The following ATRNL1 variants were observed in gnomAD, a reference collection of about 807,000 sequenced individuals.
The protein encoded by ATRNL1 is attractin like 1.
ATRNL1 carries 95 observed loss-of-function variants against 182.7 expected under a neutral mutation model. That is an observed-to-expected ratio of 0.52 (90% CI 0.44 to 0.62). ATRNL1 has a LOEUF of 0.62. Ranked by LOEUF, ATRNL1 falls within the 20% of genes least tolerant of loss-of-function variation. The probability of loss-of-function intolerance (pLI) is 0.00; values close to 1 mark genes in which losing one functional copy is unlikely to be tolerated. For missense variants in ATRNL1, 1,471 were observed against 1,679.5 expected, an observed-to-expected ratio of 0.88 and a Z score of 2.17; for synonymous variants, 576 against 568.3, an observed-to-expected ratio of 1.01 and a Z score of -0.19.
chr10:115,401,516 T>C (rs1174437459), intron 20 of ATRNL1, among the ~76,000 whole-genome samples: 2 of 152,172 alleles, frequency 1.3e-5, no homozygotes, highest in African/African-American at 2.4e-5. Flanking sequence ...TGAGGGATTA[T>C]GATATTCTCA....
intron 28 of ATRNL1, among the ~76,000 whole-genome samples, chr10:115,939,055 G>A (rs1953647407): frequency 6.6e-6 from 1 of 152,204 alleles, no homozygotes; most frequent in African/African-American, 2.4e-5. Context: ...TGATGGATAT[G>A]TTAATTAGCT....
At chr10:115,588,456 A>G (rs1158720688) in intron 26 of ATRNL1, among the ~76,000 whole-genome samples, 1 of 152,214 alleles carries the variant, frequency 6.6e-6, no homozygotes, top group Non-Finnish European at 1.5e-5. Flanking sequence ...AACTTTAGTA[A>G]GATGGCCTTC....
intron 25 of ATRNL1, among the ~76,000 whole-genome samples, chr10:115,522,254 C>A (rs1554985426): frequency 6.6e-6 from 1 of 152,090 alleles, no homozygotes; most frequent in African/African-American, 2.4e-5. Context: ...GCTGGCTGTA[C>A]AAGAAGTAGG....
At chr10:115,230,165 C>G (rs781906570) in intron 9 of ATRNL1, among the ~76,000 whole-genome samples, 2 of 152,052 alleles carry the variant, frequency 1.3e-5, no homozygotes, top group Non-Finnish European at 2.9e-5. Context: ...TTTAAAAAGT[C>G]AGCTTTATGC....
rs186596806 is a variant in ATRNL1 at position 115,435,892 on chromosome 10, T to G, written c.3322+9590T>G. Reference sequence around the variant, plus strand: ...TGTACCTTGTTTTATTGGATCTCCATACTTAGAAATCTGTATGACTCATAA... The same window carrying G: ...TGTACCTTGTTTTATTGGATCTCCAGACTTAGAAATCTGTATGACTCATAA... On this transcript the variant is annotated intron_variant, in intron 21 of 28. Transcript: ENST00000355044. Among the ~76,000 whole-genome samples the G allele has an allele frequency of 3.5e-4, 53 of 152,320 alleles. 2 individuals carry two copies. The highest frequency in any genetic ancestry group is 1.9e-4 in the East Asian group (1 of 5,188).
At chr10:115,269,695 A>G (rs1554912184) in intron 13 of ATRNL1, among the ~76,000 whole-genome samples, 2 of 152,160 alleles carry the variant, frequency 1.3e-5, no homozygotes, top group Non-Finnish European at 2.9e-5. Flanking sequence ...ACATATTTCC[A>G]ACTGAATATA....
chr10:115,292,584 T>C (rs192680932), intron 15 of ATRNL1, among the ~76,000 whole-genome samples: 8 of 152,262 alleles, frequency 5.3e-5, no homozygotes, highest in Admixed American at 5.2e-4. Context: ...CAGTCTCAAG[T>C]AATTTTTAAA....
chr10:115,499,914 A>C (rs1052557840), intron 24 of ATRNL1, among the ~76,000 whole-genome samples: 3 of 152,158 alleles, frequency 2.0e-5, no homozygotes, highest in Non-Finnish European at 4.4e-5. Context: ...TCTTTTGGAG[A>C]AAGCATTTCA....
intron 27 of ATRNL1, among the ~76,000 whole-genome samples, chr10:115,738,912 A>C (rs1040904265): frequency 1.3e-5 from 2 of 152,104 alleles, no homozygotes; most frequent in African/African-American, 4.8e-5. Context: ...AAAGTAAATT[A>C]CTGCTATCAT....
intron 26 of ATRNL1, among the ~76,000 whole-genome samples, chr10:115,640,243 C>T (rs1194466783): frequency 3.3e-5 from 5 of 152,144 alleles, no homozygotes; most frequent in Admixed American, 2.6e-4. Flanking sequence ...CATATATGTG[C>T]ATGTGTCTTT....
chr10:115,264,235 A>C (rs1413275597), intron 10 of ATRNL1, among the ~76,000 whole-genome samples: 1 of 151,710 alleles, frequency 6.6e-6, no homozygotes, highest in Non-Finnish European at 1.5e-5. Context: ...CATTAATAAA[A>C]TATTGAGTTG....
chr10:115,442,360 AC>A, intron 21 of ATRNL1, among the ~76,000 whole-genome samples: 1 of 149,174 alleles, frequency 6.7e-6, no homozygotes, highest in Non-Finnish European at 1.5e-5. Flanking sequence ...ACAATCAGGA[AC>A]TTTTTCACTG....
At chr10:115,200,225 AG>A (rs1848510651) in intron 8 of ATRNL1, among the ~76,000 whole-genome samples, 2 of 150,650 alleles carry the variant, frequency 1.3e-5, no homozygotes, top group South Asian at 4.2e-4. Context: ...TTACTTGTTT[AG>A]TTTTTTTTTT....
intron 28 of ATRNL1, among the ~76,000 whole-genome samples, chr10:115,863,393 A>G (rs192344927): frequency 1.2e-3 from 183 of 152,316 alleles, no homozygotes; most frequent in Non-Finnish European, 2.0e-3. Context: ...TGAATGTACT[A>G]TAGTTGTATA....
intron 24 of ATRNL1, among the ~76,000 whole-genome samples, chr10:115,482,289 T>C (rs554748452): frequency 1.3e-5 from 2 of 151,244 alleles, no homozygotes; most frequent in East Asian, 3.9e-4. Context: ...CAGTGGGTTC[T>C]ATGTGTAAAT....
chr10:115,325,469 A>G (rs988925090), intron 18 of ATRNL1, among the ~76,000 whole-genome samples: 4 of 152,152 alleles, frequency 2.6e-5, no homozygotes, highest in African/African-American at 9.7e-5. Flanking sequence ...CTCCTTTGCC[A>G]TTGCTACCAT....
intron 27 of ATRNL1, among the ~76,000 whole-genome samples, chr10:115,753,471 C>T (rs148328616): frequency 1.6e-4 from 25 of 152,196 alleles, no homozygotes; most frequent in Admixed American, 8.5e-4. Context: ...TGATGGTTTC[C>T]GGCTTCATCC....
intron 19 of ATRNL1, among the ~76,000 whole-genome samples, chr10:115,362,559 G>T: frequency 6.6e-6 from 1 of 150,544 alleles, no homozygotes; most frequent in Non-Finnish European, 1.5e-5. Flanking sequence ...TAGGGTACAT[G>T]TGCACATTGT....
chr10:115,662,281 G>A (rs1005477124), intron 26 of ATRNL1, among the ~76,000 whole-genome samples: 5 of 152,010 alleles, frequency 3.3e-5, no homozygotes, highest in African/African-American at 1.2e-4. Flanking sequence ...ACACCAGTTC[G>A]AATGGTGATC....
Sources: allele counts gnomAD v4.1 joint callset (sites outside exome capture counted in the v4.1 genomes callset), GRCh38; gene constraint gnomAD v4.1.1; transcripts MANE v1.5; gene names NCBI Gene and HGNC (gene_info 2026-07-23, HGNC 2026-07-21).